The following PAPSS2 variants were observed in gnomAD, a reference collection of about 807,000 sequenced individuals.
PAPSS2 encodes 3'-phosphoadenosine 5'-phosphosulfate synthase 2.
In PAPSS2, 61 loss-of-function variants were observed where a neutral mutation model predicts 66.5. The ratio of observed to expected loss-of-function variants is 0.92; its 90% CI spans 0.75 to 1.14. The LOEUF is 1.14. Among genes scored for constraint, PAPSS2 ranks in the 50% most tolerant of loss-of-function variants. The probability of loss-of-function intolerance (pLI) is 0.00; values close to 1 mark genes in which losing one functional copy is unlikely to be tolerated. For missense variants in PAPSS2, 708 were observed against 789.6 expected, an observed-to-expected ratio of 0.90 and a Z score of 1.24; for synonymous variants, 289 against 287.5, an observed-to-expected ratio of 1.01 and a Z score of -0.05.
intron 1 of PAPSS2, among the ~76,000 whole-genome samples, chr10:87,691,953 T>A (rs918734679): frequency 3.3e-5 from 5 of 151,890 alleles, no homozygotes. Context: ...CTAAAAAAAA[T>A]AAAATTAAAG....
intron 9 of PAPSS2, among the ~76,000 whole-genome samples, chr10:87,737,833 CTCT>C (rs925941277): frequency 1.2e-4 from 18 of 152,090 alleles, no homozygotes; most frequent in African/African-American, 3.6e-4. Flanking sequence ...AACAACTCCC[CTCT>C]TCTTCTTTCC....
At chr10:87,743,279 C>A in intron 10 of PAPSS2, 94 bp from the exon 11 acceptor site, 11 of 1,284,794 alleles carry the variant, frequency 8.6e-6, no homozygotes, top group Non-Finnish European at 1.2e-5. Context: ...AATGAATGCA[C>A]AGAACAATAA....
chr10:87,740,517 A>C (rs557449827), intron 9 of PAPSS2, among the ~76,000 whole-genome samples: 1 of 152,242 alleles, frequency 6.6e-6, no homozygotes, highest in Non-Finnish European at 1.5e-5. Context: ...ATTCATGGGT[A>C]AATGATTCAT....
At chr10:87,686,883 A>G (rs1459761821) in intron 1 of PAPSS2, among the ~76,000 whole-genome samples, 1 of 152,224 alleles carries the variant, frequency 6.6e-6, no homozygotes, top group African/African-American at 2.4e-5. Flanking sequence ...TGGCCTAGGC[A>G]TGGAATAAAT....
At chr10:87,726,696 G>C (rs1163844564) in intron 8 of PAPSS2, among the ~76,000 whole-genome samples, 1 of 152,100 alleles carries the variant, frequency 6.6e-6, no homozygotes, top group Non-Finnish European at 1.5e-5. Context: ...TATTAAAAAA[G>C]ACAAACACAC....
chr10:87,672,482 G>A (rs61853129), intron 1 of PAPSS2, among the ~76,000 whole-genome samples: 283 of 152,220 alleles, frequency 1.9e-3, no homozygotes, highest in Admixed American at 4.3e-3. Flanking sequence ...CTTTTTGTGT[G>A]TGTTTATTTT....
chr10:87,698,873 A>G (rs1853267658), intron 1 of PAPSS2, among the ~76,000 whole-genome samples: 1 of 152,228 alleles, frequency 6.6e-6, no homozygotes, highest in Admixed American at 6.5e-5. Flanking sequence ...AATCAAAAAC[A>G]ACAATAAAAC....
intron 1 of PAPSS2, among the ~76,000 whole-genome samples, chr10:87,702,402 C>T (rs2131924345): frequency 6.6e-6 from 1 of 152,290 alleles, no homozygotes; most frequent in Non-Finnish European, 1.5e-5. Flanking sequence ...CTATGGCTCC[C>T]AGGTTTTGAG....
At chr10:87,670,380 G>A (rs1852861332) in intron 1 of PAPSS2, among the ~76,000 whole-genome samples, 1 of 152,186 alleles carries the variant, frequency 6.6e-6, no homozygotes, top group Non-Finnish European at 1.5e-5. Flanking sequence ...GATCAATGAG[G>A]AGTGCCTAGA....
At chr10:87,668,276 A>T (rs1852837310) in intron 1 of PAPSS2, among the ~76,000 whole-genome samples, 1 of 152,134 alleles carries the variant, frequency 6.6e-6, no homozygotes, top group Non-Finnish European at 1.5e-5. Flanking sequence ...AGCTCTCTAA[A>T]ATCCTTTCCT....
intron 1 of PAPSS2, among the ~76,000 whole-genome samples, chr10:87,694,436 CAAGG>C (rs1853208109): frequency 6.6e-6 from 1 of 152,182 alleles, no homozygotes; most frequent in Non-Finnish European, 1.5e-5. Context: ...AAAGAAGCAT[CAAGG>C]AAGGCAGCCA....
chr10:87,727,508 G>A lies in PAPSS2; in HGVS notation c.1086+19G>A. On this transcript the variant is annotated intron_variant, in intron 9 of 12. Coordinates refer to ENST00000456849, the MANE Select transcript of PAPSS2 (RefSeq NM_001015880.2). The stretch of plus-strand genomic sequence containing the variant: ...TATCAAAGTAAGTCACAAAACCTTT[G>A]GAAGGACTTTCTTGAGCTATTTAAA... 3.1e-6 allele frequency: 5 copies of A among 1,588,750 alleles called. No homozygotes were observed. Among genetic ancestry groups the A allele is most frequent in the Non-Finnish European group, 4.3e-6 (5 of 1,161,066 alleles).
rs894405569 is a variant in PAPSS2 at position 87,724,644 on chromosome 10, T to C, written c.881-2640T>C. Among the ~76,000 whole-genome samples the C allele has an allele frequency of 1.3e-4, 17 of 133,488 alleles. No homozygotes were observed. In the Middle Eastern group the frequency reaches 0.015, roughly 117 times the overall value. The allele number at this position is 133,488 out of a possible 152,430, so 87.6% of individuals were successfully genotyped here. A position where few individuals can be genotyped will look rare whatever the true frequency, so the allele number is the denominator to read the frequency against. ...TATTAATTTATACATATATTAATTA[T>C]ATATATACATTATTTTAATAAATTA... On this transcript the variant is annotated intron_variant, in intron 8 of 12. Transcript: ENST00000456849.
chr10:87,677,477 A>C (rs1437384264), intron 1 of PAPSS2, among the ~76,000 whole-genome samples: 2 of 152,220 alleles, frequency 1.3e-5, no homozygotes, highest in African/African-American at 2.4e-5. Context: ...ATGGAAAATA[A>C]ATTTCAGGAT....
Position 87,659,942 on chromosome 10 carries a change from C to T in PAPSS2, c.-40C>T, listed in dbSNP as rs113301789. 1 of 1,609,948 alleles carries T rather than the reference C, an allele frequency of 6.2e-7. No individual in the cohort carries two copies. ...CGCCGCCGTCCCTGCGTCCTTCGGT[C>T]TCTGCTCCCGGGACCCGGGCTCCGC... On this transcript the variant is annotated 5_prime_UTR_variant, in exon 1 of 13. Transcript: ENST00000456849.
intron 1 of PAPSS2, among the ~76,000 whole-genome samples, chr10:87,672,763 A>G (rs1852894921): frequency 6.6e-6 from 1 of 152,236 alleles, no homozygotes; most frequent in South Asian, 2.1e-4. Flanking sequence ...AGCAAATCAT[A>G]TCCTGTGGGC....
chr10:87,674,829 G>A (rs904226708), intron 1 of PAPSS2, among the ~76,000 whole-genome samples: 3 of 151,886 alleles, frequency 2.0e-5, no homozygotes, highest in Admixed American at 2.0e-4. Context: ...TCTTTTATTG[G>A]CAATCCTTTG....
intron 1 of PAPSS2, among the ~76,000 whole-genome samples, chr10:87,707,299 C>T (rs61853158): frequency 0.017 from 2,595 of 152,260 alleles, 61 homozygotes; most frequent in East Asian, 0.12. Context: ...CCTAATTTGA[C>T]ACTGAAAGGC....
At chr10:87,719,888 T>C in intron 7 of PAPSS2, among the ~76,000 whole-genome samples, 1 of 152,102 alleles carries the variant, frequency 6.6e-6, no homozygotes, top group East Asian at 1.9e-4. Flanking sequence ...CTTTTTCTTA[T>C]TTTATTTTAT....
Sources: allele counts gnomAD v4.1 joint callset (sites outside exome capture counted in the v4.1 genomes callset), GRCh38; gene constraint gnomAD v4.1.1; transcripts MANE v1.5; gene names NCBI Gene and HGNC (gene_info 2026-07-23, HGNC 2026-07-21).